SPTLC3: variants seen among roughly 807,000 people sequenced by gnomAD.
SPTLC3 encodes the protein serine palmitoyltransferase 3.
A neutral mutation model predicts 59.3 loss-of-function variants in SPTLC3; 36 were observed. That is an observed-to-expected ratio of 0.61 (90% CI 0.47 to 0.80). SPTLC3 has a LOEUF of 0.80. Ranked by LOEUF, SPTLC3 falls within the 30% of genes least tolerant of loss-of-function variation. The pLI is 0.00. For missense variants in SPTLC3, 625 were observed against 685.1 expected, an observed-to-expected ratio of 0.91 and a Z score of 0.98; for synonymous variants, 257 against 240.8, an observed-to-expected ratio of 1.07 and a Z score of -0.62.
intron 9 of SPTLC3, among the ~76,000 whole-genome samples, chr20:13,131,637 T>C (rs1439318421): frequency 6.6e-6 from 1 of 152,178 alleles, no homozygotes; most frequent in African/African-American, 2.4e-5. Context: ...ACTTGACATA[T>C]ATTCAGAATC....
At chr20:13,146,414 C>T (rs538447197) in intron 9 of SPTLC3, among the ~76,000 whole-genome samples, 1 of 152,078 alleles carries the variant, frequency 6.6e-6, no homozygotes, top group South Asian at 2.1e-4. Flanking sequence ...ACATGTACCC[C>T]GAAACCTAAA....
At chr20:13,049,290 T>A (rs780220072) in intron 2 of SPTLC3, 160 bp downstream of exon 2, 1 of 767,908 alleles carries the variant, frequency 1.3e-6, no homozygotes, top group Non-Finnish European at 2.2e-6. Flanking sequence ...CCATTACCCA[T>A]GGGCTTATGG....
chr20:13,057,656 A>C (rs1291750108), intron 2 of SPTLC3, among the ~76,000 whole-genome samples: 3 of 152,230 alleles, frequency 2.0e-5, no homozygotes, highest in Non-Finnish European at 4.4e-5. Context: ...ACAGCACTAA[A>C]AAGCTCAAGT....
rs767100431 is a variant in SPTLC3, at chr20:13,086,913, C to T, written c.608-4170C>T. 9.2e-5 allele frequency among the ~76,000 whole-genome samples: 14 copies of T among 152,262 alleles called. No individual in the cohort carries two copies. The South Asian group carries it at 1.0e-3, about 11-fold the overall frequency. On this transcript the variant is annotated intron_variant, in intron 4 of 11. Coordinates refer to ENST00000399002, the MANE Select transcript of SPTLC3 (RefSeq NM_018327.4). ...AGCTCAATCCTCTCACCTCAGCCTC[C>T]CAGATAGCTAGGACTATAGGTGCAT...
At chr20:13,025,212 A>G (rs543568613) in intron 1 of SPTLC3, among the ~76,000 whole-genome samples, 61 of 152,300 alleles carry the variant, frequency 4.0e-4, no homozygotes, top group Non-Finnish European at 7.1e-4. Flanking sequence ...AATATTGTCA[A>G]TCCTTACAAT....
intron 9 of SPTLC3, among the ~76,000 whole-genome samples, chr20:13,148,988 C>T (rs2038581777): frequency 6.6e-6 from 1 of 152,214 alleles, no homozygotes; most frequent in Admixed American, 6.5e-5. Context: ...CTCTAATTTA[C>T]AGCTAAAACT....
chr20:13,122,256 A>G (rs544655487), intron 8 of SPTLC3, among the ~76,000 whole-genome samples: 1 of 152,338 alleles, frequency 6.6e-6, no homozygotes, highest in South Asian at 2.1e-4. Context: ...TCCCTTTTGG[A>G]GAAACAAGAG....
intron 1 of SPTLC3, among the ~76,000 whole-genome samples, chr20:13,010,510 C>T (rs1050395171): frequency 6.6e-6 from 1 of 152,162 alleles, no homozygotes; most frequent in Non-Finnish European, 1.5e-5. Flanking sequence ...AAGCATTCCC[C>T]TCTTAACAAA....
chr20:13,140,084 G>T (rs1172022875), intron 9 of SPTLC3, among the ~76,000 whole-genome samples: 1 of 152,112 alleles, frequency 6.6e-6, no homozygotes, highest in African/African-American at 2.4e-5. Context: ...TTCCTCAGAA[G>T]AAATTAAAAT....
At chr20:13,129,194 G>T (rs1191845741) in intron 9 of SPTLC3, among the ~76,000 whole-genome samples, 2 of 152,050 alleles carry the variant, frequency 1.3e-5, no homozygotes, top group Non-Finnish European at 1.5e-5. Flanking sequence ...TCGAGACGGG[G>T]TTTCACCACG....
At chr20:13,131,363 TGGC>T (rs1478861462) in intron 9 of SPTLC3, among the ~76,000 whole-genome samples, 2 of 152,186 alleles carry the variant, frequency 1.3e-5, no homozygotes, top group Non-Finnish European at 2.9e-5. Context: ...GCTCCATGAA[TGGC>T]AAGTCACTTT....
At chr20:13,034,172 A>C (rs2122444521) in intron 1 of SPTLC3, among the ~76,000 whole-genome samples, 1 of 150,000 alleles carries the variant, frequency 6.7e-6, no homozygotes, top group East Asian at 2.0e-4. Flanking sequence ...CTCATGACAT[A>C]GGTAGATGTC....
intron 3 of SPTLC3, among the ~76,000 whole-genome samples, chr20:13,072,746 G>A (rs1988492405): frequency 6.6e-6 from 1 of 152,218 alleles, no homozygotes; most frequent in South Asian, 2.1e-4. Flanking sequence ...CATGGTTCTT[G>A]TTCTTCTGGA....
At chr20:13,015,715 C>A (rs75071965) in intron 1 of SPTLC3, among the ~76,000 whole-genome samples, 6,902 of 152,052 alleles carry the variant, frequency 0.045, 234 homozygotes, top group Middle Eastern at 0.092. Flanking sequence ...ATGAGGGTGA[C>A]TAGCACTACC....
chr20:13,024,025 G>A (rs1217941325), intron 1 of SPTLC3, among the ~76,000 whole-genome samples: 1 of 152,092 alleles, frequency 6.6e-6, no homozygotes, highest in Non-Finnish European at 1.5e-5. Context: ...ACCCATATAT[G>A]AGACGACTTT....
At chr20:13,064,706 A>G (rs1988125530) in intron 2 of SPTLC3, among the ~76,000 whole-genome samples, 1 of 152,198 alleles carries the variant, frequency 6.6e-6, no homozygotes, top group Admixed American at 6.5e-5. Context: ...CTTTCTGTGT[A>G]TACTTTAGAA....
intron 1 of SPTLC3, among the ~76,000 whole-genome samples, chr20:13,024,950 T>C (rs1986071274): frequency 6.6e-6 from 1 of 152,208 alleles, no homozygotes; most frequent in Non-Finnish European, 1.5e-5. Context: ...GGAATTATAA[T>C]AGTTTGATGA....
chr20:13,019,461 C>T (rs927394722), intron 1 of SPTLC3, among the ~76,000 whole-genome samples: 2 of 152,058 alleles, frequency 1.3e-5, no homozygotes, highest in African/African-American at 4.8e-5. Context: ...ATTTGGCTCG[C>T]CTCGATTTAA....
intron 6 of SPTLC3, among the ~76,000 whole-genome samples, chr20:13,104,182 G>A (rs1469040652): frequency 1.3e-5 from 2 of 152,228 alleles, no homozygotes; most frequent in East Asian, 3.9e-4. Context: ...CCAGAACATG[G>A]TCTCCACATT....
Sources: gnomAD v4.1 joint callset for allele counts (sites outside exome capture counted in the v4.1 genomes callset) on GRCh38, gnomAD v4.1.1 for gene constraint, MANE v1.5 for transcripts, NCBI Gene and HGNC (gene_info 2026-07-23, HGNC 2026-07-21) for gene names.